The following ANXA8 variants were observed in gnomAD, a reference collection of about 807,000 sequenced individuals.
ANXA8 encodes the protein VAC-beta.
Under a neutral mutation model 26.8 loss-of-function variants are expected in ANXA8, and 9 were observed. The observed-to-expected ratio is 0.34, with a 90% CI of 0.20 to 0.59. ANXA8 has a LOEUF of 0.59. Ranked by LOEUF, ANXA8 falls within the 20% of genes least tolerant of loss-of-function variation. ANXA8 has a pLI of 0.84. For synonymous variants in ANXA8, 39 were observed against 94.8 expected (o/e 0.41, Z 3.42); for missense variants, 83 against 238.5 (o/e 0.35, Z 4.29).
chr10:47,683,136 A>C, the ANXA8 span, among the ~76,000 whole-genome samples: 1 of 152,074 alleles, frequency 6.6e-6, no homozygotes, highest in South Asian at 2.1e-4. Context: ...TGAGGAAAAA[A>C]ATCATCTTAT....
the ANXA8 span, among the ~76,000 whole-genome samples, chr10:47,501,039 G>A: frequency 7.0e-6 from 1 of 143,528 alleles, no homozygotes; most frequent in African/African-American, 2.6e-5. Flanking sequence ...GACTACAGGT[G>A]CCCGCCACCA....
the ANXA8 span, among the ~76,000 whole-genome samples, chr10:47,918,429 GAAA>G: frequency 2.9e-5 from 1 of 34,026 alleles, no homozygotes; most frequent in Non-Finnish European, 6.3e-5. Flanking sequence ...AAGAAAGAAA[GAAA>G]GAGAGAGAGA....
At chr10:47,623,426 T>C in the ANXA8 span, among the ~76,000 whole-genome samples, 1 of 111,946 alleles carries the variant, frequency 8.9e-6, no homozygotes, top group Non-Finnish European at 2.0e-5. Context: ...TCATAATTGT[T>C]AAAGTTGAGG....
At chr10:47,580,691 C>T in the ANXA8 span, among the ~76,000 whole-genome samples, 963 of 149,186 alleles carry the variant, frequency 6.5e-3, 16 homozygotes, top group African/African-American at 0.023. Context: ...TGCAGTGACC[C>T]GAGATCATAC....
the ANXA8 span, among the ~76,000 whole-genome samples, chr10:47,554,814 G>A: frequency 2.0e-5 from 3 of 152,208 alleles, no homozygotes; most frequent in Non-Finnish European, 4.4e-5. Flanking sequence ...CCTACGTGGC[G>A]CATGCTTCCC....
chr10:47,766,249 C>G, the ANXA8 span, among the ~76,000 whole-genome samples: 1 of 93,216 alleles, frequency 1.1e-5, no homozygotes, highest in South Asian at 4.4e-4. Context: ...GCATCATACA[C>G]ATCCTGGGCT....
At chr10:47,555,278 T>A in the ANXA8 span, among the ~76,000 whole-genome samples, 1 of 151,498 alleles carries the variant, frequency 6.6e-6, no homozygotes, top group Admixed American at 6.6e-5. Flanking sequence ...TTCTAGTAAG[T>A]TCCAGTGGTA....
the ANXA8 span, among the ~76,000 whole-genome samples, chr10:47,559,592 AG>A: frequency 6.6e-6 from 1 of 151,910 alleles, no homozygotes; most frequent in Non-Finnish European, 1.5e-5. Context: ...TTTTGTCTCA[AG>A]TATTGCCGCA....
chr10:47,610,266 T>A, the ANXA8 span, among the ~76,000 whole-genome samples: 1 of 145,930 alleles, frequency 6.9e-6, no homozygotes, highest in South Asian at 2.1e-4. Context: ...TAGTTTTTTA[T>A]TTGTAGTTTT....
chr10:47,582,170 C>T, the ANXA8 span: 1 of 152,134 alleles, frequency 6.6e-6, no homozygotes, highest in Admixed American at 6.6e-5. Context: ...CTGGTGTTCC[C>T]CTGGACAGTT....
chr10:47,588,834 AGACAGG>A, the ANXA8 span: 1 of 34,306 alleles, frequency 2.9e-5, no homozygotes, highest in African/African-American at 1.4e-4. Flanking sequence ...TTTTTTTTTG[AGACAGG>A]GTCTCACTTC....
At chr10:47,488,713 A>AT (rs1160121365), upstream of ANXA8, among the ~76,000 whole-genome samples, 14,789 of 62,016 alleles carry the variant, frequency 0.24, 2,683 homozygotes, top group South Asian at 0.26. Context: ...TACATGTTAA[A>AT]TTTTTTTTTT....
chr10:47,672,607 A>G, the ANXA8 span, among the ~76,000 whole-genome samples: 1 of 151,914 alleles, frequency 6.6e-6, no homozygotes, highest in Admixed American at 6.6e-5. Flanking sequence ...GAGACAGTTA[A>G]AAAATGGGAC....
chr10:47,513,184 G>A, the ANXA8 span, among the ~76,000 whole-genome samples: 137 of 143,034 alleles, frequency 9.6e-4, no homozygotes, highest in Middle Eastern at 3.6e-3. Context: ...ACAGGTGAGC[G>A]CCACCACGCC....
chr10:47,544,077 C>T, the ANXA8 span, among the ~76,000 whole-genome samples: 9 of 151,702 alleles, frequency 5.9e-5, no homozygotes, highest in South Asian at 2.1e-4. Context: ...ACTGAAGGCA[C>T]GCACGAAGGA....
At chr10:47,663,391 T>A in the ANXA8 span, among the ~76,000 whole-genome samples, 76 of 41,870 alleles carry the variant, frequency 1.8e-3, no homozygotes, top group East Asian at 0.02. Flanking sequence ...TTAAAAAAAA[T>A]TTTTTTTTTT....
At chr10:47,522,093 G>C in the ANXA8 span, among the ~76,000 whole-genome samples, 1 of 149,428 alleles carries the variant, frequency 6.7e-6, no homozygotes, top group Non-Finnish European at 1.5e-5. Context: ...AGCCAAAACT[G>C]TAACTTTCTT....
chr10:47,647,536 C>T, the ANXA8 span, among the ~76,000 whole-genome samples: 1 of 149,490 alleles, frequency 6.7e-6, no homozygotes, highest in Non-Finnish European at 1.5e-5. Context: ...TATAGATAGA[C>T]CTGTATGACT....
chr10:47,943,708 C>T, the ANXA8 span, among the ~76,000 whole-genome samples: 1 of 151,344 alleles, frequency 6.6e-6, no homozygotes, highest in East Asian at 2.0e-4. Context: ...GCAGTAGATC[C>T]CCAGGCCTTG....
Sources: gnomAD v4.1 joint callset for allele counts (sites outside exome capture counted in the v4.1 genomes callset) on GRCh38, gnomAD v4.1.1 for gene constraint, MANE v1.5 for transcripts, NCBI Gene and HGNC (gene_info 2026-07-23, HGNC 2026-07-21) for gene names.